GKAP1: variants seen among roughly 807,000 people sequenced by gnomAD.
GKAP1 encodes G kinase anchoring protein 1.
In GKAP1, 31 loss-of-function variants were observed where a neutral mutation model predicts 56.7. That is an observed-to-expected ratio of 0.55 (90% CI 0.41 to 0.74). The LOEUF (loss-of-function observed/expected upper bound fraction) is 0.74, where lower values mean the gene tolerates loss of function less well. GKAP1 is among the 30% of genes least tolerant of loss of function. The pLI, the probability that GKAP1 is intolerant of heterozygous loss-of-function variation, is 0.00. For missense variants in GKAP1, 364 were observed against 402.3 expected (o/e 0.90, Z 0.82); for synonymous variants, 151 against 138.6 (o/e 1.09, Z -0.63).
Position 83,779,616 on chromosome 9 carries a change from C to CATGTATATGTGTATATATAT in GKAP1, c.585+765_585+766insATATATATACACATATACAT, listed in dbSNP as rs1564201928. 1.8e-4 allele frequency among the ~76,000 whole-genome samples: 21 copies of CATGTATATGTGTATATATAT among 117,578 alleles called. 1 individual carries two copies. The highest frequency in any genetic ancestry group is 7.1e-4 in the African/African-American group (19 of 26,816). 77.1% of individuals were successfully genotyped at this position (117,578 alleles called of 152,430 possible). On this transcript the variant is annotated intron_variant, in intron 7 of 12. Transcript: ENST00000376371. ...ATGTGTATATATATACACATATACACACACACACACACACACACACACACA... is the reference window on the plus strand; with the variant it reads ...ATGTGTATATATATACACATATACACATGTATATGTGTATATATATACACACACACACACACACACACACA...
chr9:83,815,553 A>G (rs1429265990), intron 2 of GKAP1, among the ~76,000 whole-genome samples: 1 of 151,796 alleles, frequency 6.6e-6, no homozygotes, highest in Middle Eastern at 3.2e-3. Flanking sequence ...CCAGAAGACC[A>G]CAATTAGGGA....
At chr9:83,753,234 T>C in intron 9 of GKAP1, 24 bp downstream of exon 9, 1 of 1,343,700 alleles carries the variant, frequency 7.4e-7, no homozygotes, top group Non-Finnish European at 1.0e-6. Context: ...TTATTTTCTT[T>C]AACAACAGTA....
intron 10 of GKAP1, among the ~76,000 whole-genome samples, chr9:83,746,396 T>G (rs1308460153): frequency 6.6e-6 from 1 of 152,178 alleles, no homozygotes. Context: ...TCCTTCTATA[T>G]GCTTTAAATC....
intron 6 of GKAP1, among the ~76,000 whole-genome samples, chr9:83,782,197 T>C (rs993854367): frequency 2.6e-5 from 4 of 151,680 alleles, no homozygotes; most frequent in African/African-American, 9.7e-5. Context: ...TAGGCTAGAG[T>C]GCACTGGCAT....
At chr9:83,804,249 G>A in intron 3 of GKAP1, among the ~76,000 whole-genome samples, 1 of 149,010 alleles carries the variant, frequency 6.7e-6, no homozygotes, top group East Asian at 2.0e-4. Flanking sequence ...GGAGGGAGGT[G>A]GGGGGCTCAG....
chr9:83,786,809 C>G (rs1944071627), intron 5 of GKAP1, among the ~76,000 whole-genome samples: 1 of 152,172 alleles, frequency 6.6e-6, no homozygotes, highest in African/African-American at 2.4e-5. Context: ...GCAAAGAACA[C>G]TGGCTGGGAG....
intron 6 of GKAP1, among the ~76,000 whole-genome samples, chr9:83,781,107 A>C (rs1336027255): frequency 6.6e-6 from 1 of 152,222 alleles, no homozygotes; most frequent in African/African-American, 2.4e-5. Context: ...TCACACCTGT[A>C]ATCCCAGCAC....
intron 2 of GKAP1, among the ~76,000 whole-genome samples, chr9:83,808,507 G>T (rs936852466): frequency 6.6e-6 from 1 of 152,126 alleles, no homozygotes; most frequent in Non-Finnish European, 1.5e-5. Context: ...TGAGGCATGA[G>T]AATCTCTTGA....
chr9:83,804,489 T>A (rs1409322117), intron 3 of GKAP1, among the ~76,000 whole-genome samples: 8 of 95,490 alleles, frequency 8.4e-5, no homozygotes, highest in Admixed American at 1.0e-4. Flanking sequence ...GAGGAGCCCC[T>A]CTGCTCGGCC....
At chr9:83,793,026 A>G (rs1361401528) in intron 4 of GKAP1, 10 of 1,273,498 alleles carry the variant, frequency 7.9e-6, no homozygotes, top group Admixed American at 4.8e-5. Flanking sequence ...ATCTAGTAGT[A>G]AAACATTTTT....
In GKAP1 at chr9:83,815,376, G is replaced by T. The variant is rs532880597; in HGVS notation, c.-44+1620C>A. Reference sequence around the variant, plus strand: ...ATCCTCCAGCCTCGGCCTCCCAAAGGGCTGGGATTACAGGCATGCACCACC... The same window carrying T: ...ATCCTCCAGCCTCGGCCTCCCAAAGTGCTGGGATTACAGGCATGCACCACC... On this transcript the variant is annotated intron_variant, in intron 2 of 12. Coordinates refer to ENST00000376371, the MANE Select transcript of GKAP1 (RefSeq NM_025211.4). Among the ~76,000 whole-genome samples, 161 of 151,312 alleles carry T rather than the reference G, an allele frequency of 1.1e-3. 1 individual carries two copies. Among genetic ancestry groups the T allele is most frequent in the Non-Finnish European group, 1.9e-3 (131 of 67,864 alleles).
chr9:83,747,119 G>A (rs1404662658), intron 10 of GKAP1, among the ~76,000 whole-genome samples: 1 of 152,082 alleles, frequency 6.6e-6, no homozygotes, highest in East Asian at 1.9e-4. Flanking sequence ...TGTTTCTTTT[G>A]TGGTTTATAA....
intron 4 of GKAP1, 122 bp from the exon 5 acceptor site, chr9:83,788,800 C>A (rs752704009): frequency 1.9e-5 from 10 of 539,068 alleles, no homozygotes; most frequent in Non-Finnish European, 2.3e-5. Flanking sequence ...AATATGGATT[C>A]TCCAAAGTTA....
intron 6 of GKAP1, among the ~76,000 whole-genome samples, chr9:83,781,190 C>A (rs1417590160): frequency 6.6e-6 from 1 of 152,092 alleles, no homozygotes; most frequent in Admixed American, 6.6e-5. Context: ...TGGTGAAACC[C>A]CATCTCTACT....
At chr9:83,746,978 C>G (rs1943305859) in intron 10 of GKAP1, among the ~76,000 whole-genome samples, 1 of 152,154 alleles carries the variant, frequency 6.6e-6, no homozygotes, top group African/African-American at 2.4e-5. Context: ...AGGTGAATTT[C>G]ACAATTTCTT....
intron 2 of GKAP1, among the ~76,000 whole-genome samples, chr9:83,813,820 C>CCACA (rs1382396842): frequency 1.3e-5 from 2 of 152,116 alleles, no homozygotes; most frequent in Non-Finnish European, 2.9e-5. Flanking sequence ...TGGCAGCAGG[C>CCACA]CACACATGGT....
chr9:83,764,713 T>C (rs533624348), intron 8 of GKAP1, among the ~76,000 whole-genome samples: 2 of 152,280 alleles, frequency 1.3e-5, no homozygotes, highest in South Asian at 4.1e-4. Context: ...GATGAAGAAC[T>C]TGTTGGGAAC....
chr9:83,785,264 C>T (rs969416070), intron 5 of GKAP1, among the ~76,000 whole-genome samples: 1 of 151,976 alleles, frequency 6.6e-6, no homozygotes, highest in Non-Finnish European at 1.5e-5. Flanking sequence ...ACATTTCTGA[C>T]TACTGCTAAG....
At chr9:83,799,359 CAGTTTA>C in intron 3 of GKAP1, 31 bp from the exon 4 acceptor site, 1 of 1,478,014 alleles carries the variant, frequency 6.8e-7, no homozygotes, top group Non-Finnish European at 9.2e-7. Flanking sequence ...ATATTAAATT[CAGTTTA>C]CCAATCCTGG....
Sources: allele counts gnomAD v4.1 joint callset (sites outside exome capture counted in the v4.1 genomes callset), GRCh38; gene constraint gnomAD v4.1.1; transcripts MANE v1.5; gene names NCBI Gene and HGNC (gene_info 2026-07-23, HGNC 2026-07-21).